Variants in PSPC1 observed in about 807,000 individuals in gnomAD.
PSPC1 encodes the protein paraspeckle component 1.
Under a neutral mutation model 51.6 loss-of-function variants are expected in PSPC1, and 14 were observed. That is an observed-to-expected ratio of 0.27 (90% confidence interval 0.18 to 0.42). The LOEUF (loss-of-function observed/expected upper bound fraction) is 0.42. Among genes scored for constraint, PSPC1 ranks in the 10% least tolerant of loss-of-function variants. PSPC1 has a pLI of 1.00. For missense variants in PSPC1, 406 were observed against 701.1 expected, an observed-to-expected ratio of 0.58 and a Z score of 4.75; for synonymous variants, 193 against 231.9, an observed-to-expected ratio of 0.83 and a Z score of 1.53.
At chr13:19,700,766 CT>C (rs1879805454), downstream of PSPC1, among the ~76,000 whole-genome samples, 2 of 151,834 alleles carry the variant, frequency 1.3e-5, no homozygotes, top group African/African-American at 4.8e-5. Context: ...TTTCATATTA[CT>C]TTTTATAAAA....
intron 6 of PSPC1, among the ~76,000 whole-genome samples, chr13:19,711,088 G>T (rs991646714): frequency 9.2e-5 from 14 of 152,080 alleles, no homozygotes; most frequent in African/African-American, 2.9e-4. Context: ...CAATCCTCCT[G>T]CCTCACGCTC....
chr13:19,718,284 C>T (rs1882365311), intron 6 of PSPC1, among the ~76,000 whole-genome samples: 1 of 152,154 alleles, frequency 6.6e-6, no homozygotes, highest in South Asian at 2.1e-4. Flanking sequence ...GTTTTCTCCC[C>T]TCAATACATG....
At chr13:19,706,634 T>G (rs1880708587) in intron 7 of PSPC1, among the ~76,000 whole-genome samples, 1 of 152,170 alleles carries the variant, frequency 6.6e-6, no homozygotes, top group Admixed American at 6.5e-5. Flanking sequence ...TAATACTACA[T>G]ATATGATGAT....
intron 4 of PSPC1, among the ~76,000 whole-genome samples, chr13:19,747,284 G>A (rs535445033): frequency 1.3e-5 from 2 of 151,794 alleles, no homozygotes. Context: ...ATATAAGGCG[G>A]ATATTTACAT....
intron 1 of PSPC1, among the ~76,000 whole-genome samples, chr13:19,779,799 C>CA (rs1180045784): frequency 6.3e-5 from 5 of 79,868 alleles, no homozygotes; most frequent in East Asian, 4.3e-4. Context: ...TCTGCCCGGC[C>CA]GCCCCTACTG....
intron 6 of PSPC1, among the ~76,000 whole-genome samples, chr13:19,683,771 TAAAG>T (rs1292053851): frequency 6.6e-6 from 1 of 152,104 alleles, no homozygotes; most frequent in Non-Finnish European, 1.5e-5. Context: ...AGATAAATAT[TAAAG>T]AAATATTAAA....
intron 3 of PSPC1, among the ~76,000 whole-genome samples, chr13:19,755,172 G>T (rs1160320050): frequency 6.6e-6 from 1 of 151,924 alleles, no homozygotes; most frequent in Non-Finnish European, 1.5e-5. Flanking sequence ...GGAGGTAGAG[G>T]CTGCAGTGAG....
chr13:19,706,094 G>C (rs1593577249), intron 7 of PSPC1, among the ~76,000 whole-genome samples: 1 of 152,138 alleles, frequency 6.6e-6, no homozygotes, highest in African/African-American at 2.4e-5. Flanking sequence ...CAGTTTGCAA[G>C]CTTTGAGACA....
At chr13:19,707,697 T>G (rs1880879281) in intron 7 of PSPC1, among the ~76,000 whole-genome samples, 1 of 152,168 alleles carries the variant, frequency 6.6e-6, no homozygotes, top group Admixed American at 6.5e-5. Context: ...AAATAAGGAC[T>G]CTAAAGGCAT....
chr13:19,779,996 C>A (rs1889742009), intron 1 of PSPC1, among the ~76,000 whole-genome samples: 4 of 141,546 alleles, frequency 2.8e-5, no homozygotes, highest in African/African-American at 7.9e-5. Context: ...CCGCCCCGTC[C>A]GGGAGGGAGG....
chr13:19,756,878 C>T (rs1256105073), intron 3 of PSPC1, among the ~76,000 whole-genome samples: 1 of 151,960 alleles, frequency 6.6e-6, no homozygotes, highest in East Asian at 2.0e-4. Context: ...GCCTGTAATC[C>T]CAGCACTCTG....
intron 6 of PSPC1, among the ~76,000 whole-genome samples, chr13:19,717,447 T>G (rs1253766456): frequency 6.6e-6 from 1 of 151,790 alleles, no homozygotes; most frequent in East Asian, 1.9e-4. Flanking sequence ...GGCTCAAGCC[T>G]GTAATCCAAG....
intron 4 of PSPC1, among the ~76,000 whole-genome samples, chr13:19,751,022 G>GC (rs964965134): frequency 5.3e-5 from 8 of 151,886 alleles, no homozygotes; most frequent in African/African-American, 1.9e-4. Flanking sequence ...ATCTGCCTTG[G>GC]CCCCCCAAAG....
rs374968398 is a variant in PSPC1, at chr13:19,770,975, ATT to A, written c.674+1265_674+1266del. Among the ~76,000 whole-genome samples, 80 of 151,812 alleles carry A rather than the reference ATT, an allele frequency of 5.3e-4. 2 individuals are homozygous for A. In the East Asian group the frequency reaches 0.01, roughly 19 times the overall value. ...TTTTATTATTTTATTATTATTTTTA[ATT>A]TTCTTTTTAAATAGAGACAGGGTCT... is the stretch of plus-strand genomic sequence containing the variant. On this transcript the variant is annotated intron_variant, in intron 2 of 8. Transcript: ENST00000338910.
chr13:19,736,406 A>G (rs1308114813), intron 5 of PSPC1, among the ~76,000 whole-genome samples: 2 of 152,016 alleles, frequency 1.3e-5, no homozygotes, highest in Non-Finnish European at 2.9e-5. Flanking sequence ...TCTTCAGGCC[A>G]CGCACAGTGG....
At chr13:19,722,512 G>A (rs1281507007) in intron 6 of PSPC1, among the ~76,000 whole-genome samples, 5 of 151,736 alleles carry the variant, frequency 3.3e-5, no homozygotes, top group Admixed American at 2.0e-4. Flanking sequence ...AAAAATTTTC[G>A]GCCAGGTGTA....
intron 6 of PSPC1, among the ~76,000 whole-genome samples, chr13:19,688,388 A>G (rs1878175193): frequency 6.6e-6 from 1 of 152,096 alleles, no homozygotes; most frequent in Non-Finnish European, 1.5e-5. Context: ...TATTGAGAAC[A>G]AGATTCCAAC....
intron 1 of PSPC1, among the ~76,000 whole-genome samples, chr13:19,774,639 T>C (rs1413230217): frequency 6.7e-6 from 1 of 150,052 alleles, no homozygotes. Context: ...CTAGTCTCTA[T>C]CAAAAAATAC....
chr13:19,741,696 T>A, intron 4 of PSPC1, 47 bp from the exon 5 acceptor site: 9 of 1,256,518 alleles, frequency 7.2e-6, no homozygotes, highest in African/African-American at 4.5e-5. Flanking sequence ...TCCCTTTCCA[T>A]ATTTTTATAC....
Sources: allele counts gnomAD v4.1 joint callset (sites outside exome capture counted in the v4.1 genomes callset), GRCh38; gene constraint gnomAD v4.1.1; transcripts MANE v1.5; gene names NCBI Gene and HGNC (gene_info 2026-07-23, HGNC 2026-07-21).